The following PTPRS variants were observed in gnomAD, a reference collection of about 807,000 sequenced individuals.
The protein encoded by PTPRS is protein tyrosine phosphatase receptor type S, also known as receptor-type tyrosine-protein phosphatase S.
A neutral mutation model predicts 215.3 loss-of-function variants in PTPRS; 63 were observed. The ratio of observed to expected loss-of-function variants is 0.29; its 90% CI spans 0.24 to 0.36. PTPRS has a LOEUF of 0.36. Ranked by LOEUF, PTPRS falls within the 10% of genes least tolerant of loss-of-function variation. The pLI, the probability that PTPRS is intolerant of heterozygous loss-of-function variation, is 1.00. For missense variants in PTPRS, 2,258 were observed against 2,825.8 expected (o/e 0.80, Z 4.56); for synonymous variants, 1,404 against 1,191.4 (o/e 1.18, Z -3.68).
rs1440713936 is a variant in PTPRS, at chr19:5,220,101, C to G, written c.3603G>C (p.Gln1201His). Residue 1201 changes from glutamine (Q) to histidine (H), a missense_variant, in exon 22 of 38, where the codon CAG becomes CAC. By Grantham distance (24) the Gln-to-His change is conservative (BLOSUM62 0). Transcript: ENST00000262963. ...CAATATAGGGCCGGGGCACCTCCAG[C>G]TGACGCGAGTGCCGCAGGCTGCGCC... ...LQRRSLRHSR[Q>H]LEVPRPYIAA... The G allele has an allele frequency of 1.2e-6, 2 of 1,613,504 alleles. No individual in the cohort carries two copies. The highest frequency in any genetic ancestry group is 1.7e-6 in the Non-Finnish European group (2 of 1,179,990).
intron 9 of PTPRS, among the ~76,000 whole-genome samples, chr19:5,247,702 C>G (rs1305198495): frequency 6.6e-6 from 1 of 151,914 alleles, no homozygotes; most frequent in African/African-American, 2.4e-5. Context: ...CTCAGGGGGT[C>G]TGGTCTACGA....
At position 5,210,564 on chromosome 19, in the gene PTPRS, G is replaced by A. The variant is rs1477121983; in HGVS notation, c.5392C>T (p.Arg1798Cys). 11 of 1,614,070 alleles carry A rather than the reference G, an allele frequency of 6.8e-6. No individual in the cohort carries two copies. Among genetic ancestry groups the A allele is most frequent in the East Asian group, 2.2e-5 (1 of 44,890 alleles). Residue 1798 changes from arginine (R) to cysteine (C), a missense_variant, in exon 35 of 38, where the codon CGC becomes TGC. By Grantham distance (180) the Arg-to-Cys change is radical. Transcript: ENST00000262963. The surrounding 1 kb of genome is among the most constrained non-coding windows in gnomAD (Gnocchi z 4.5). ...ACAAAGTACTGGTAGCGGGCAGAGC[G>A]CTCGGCCGGCCAGTACTGGTGACAC... ...EKCHQYWPAE[R>C]SARYQYFVVD...
At chr19:5,271,668 G>T (rs2146539250) in intron 4 of PTPRS, among the ~76,000 whole-genome samples, 1 of 152,014 alleles carries the variant, frequency 6.6e-6, no homozygotes, top group East Asian at 1.9e-4. Flanking sequence ...AAAGTGCTGG[G>T]ATTACCGGCG....
At position 5,286,041 on chromosome 19, in the gene PTPRS, GCTT is replaced by G. The variant is rs745699539; in HGVS notation, c.91+6_91+8del. 11 of 1,611,198 alleles carry G rather than the reference GCTT, an allele frequency of 6.8e-6. No individual in the cohort carries two copies. The African/African-American group carries it at 1.1e-4, about 16-fold the overall frequency. Reference sequence around the variant, plus strand: ...GCAGACCCCTGCACATCCCGTGCCGGCTTCTTACCTTCTGCTGCACAGCCTCCA... The same window carrying G: ...GCAGACCCCTGCACATCCCGTGCCGGCTTACCTTCTGCTGCACAGCCTCCA... On this transcript the variant is annotated splice_donor_region_variant and intron_variant, in intron 2 of 37. Coordinates refer to ENST00000262963, the MANE Select transcript of PTPRS (RefSeq NM_002850.4).
At chr19:5,234,383 T>C (rs2043264100) in intron 13 of PTPRS, among the ~76,000 whole-genome samples, 1 of 152,152 alleles carries the variant, frequency 6.6e-6, no homozygotes. Flanking sequence ...TGGTGTCAGG[T>C]ACCAGGCTCA....
chr19:5,261,641 C>T (rs1040924710), intron 6 of PTPRS, among the ~76,000 whole-genome samples: 1 of 152,082 alleles, frequency 6.6e-6, no homozygotes, highest in Non-Finnish European at 1.5e-5. Flanking sequence ...TGGCCAGACA[C>T]GTGAAAAAGC....
chr19:5,216,719 C>G lies in PTPRS; in HGVS notation c.4096+1G>C, dbSNP rs372203627. ...AGCCAAAAACAGACACAAGAACTAACTTTCAAAGTGAAACCCCGGCTCCCT... is the reference window on the plus strand; with the variant it reads ...AGCCAAAAACAGACACAAGAACTAAGTTTCAAAGTGAAACCCCGGCTCCCT... On this transcript the variant is annotated splice_donor_variant, in intron 26 of 37. Coordinates refer to ENST00000262963, the MANE Select transcript of PTPRS (RefSeq NM_002850.4). LOFTEE classifies it high-confidence loss of function. 2 of 1,565,908 alleles carry G rather than the reference C, an allele frequency of 1.3e-6. No individual in the cohort carries two copies. Among genetic ancestry groups the G allele is most frequent in the African/African-American group, 2.7e-5 (2 of 73,650 alleles).
chr19:5,311,836 C>T lies in PTPRS; in HGVS notation c.-94-25602G>A, dbSNP rs1013827291. Among the ~76,000 whole-genome samples, 2 of 152,004 alleles carry T rather than the reference C, an allele frequency of 1.3e-5. 1 individual carries two copies. Among genetic ancestry groups the T allele is most frequent in the Admixed American group, 1.3e-4 (2 of 15,244 alleles). On this transcript the variant is annotated intron_variant, in intron 1 of 37. Transcript: ENST00000262963. ...TGGGTGGATCACGAGGTCAGGAGAT[C>T]GAGACCATCCTGGCTAACATGGTGA... is the stretch of plus-strand genomic sequence containing the variant.
Position 5,331,195 on chromosome 19 carries a change from A to G in PTPRS, c.-95+9469T>C, listed in dbSNP as rs531201919. Among the ~76,000 whole-genome samples the G allele has an allele frequency of 2.0e-5, 3 of 151,040 alleles. No homozygotes were observed. The East Asian group carries it at 5.8e-4, about 29-fold the overall frequency. On this transcript the variant is annotated intron_variant, in intron 1 of 37. Transcript: ENST00000262963. ...GCCCAGGCTGGAGTGGAGTGATGCA[A>G]TCATAGCTCACTGCAGCCTCAAACT...
chr19:5,245,904 G>T lies in PTPRS; in HGVS notation c.860C>A (p.Pro287His). 6.2e-7 allele frequency: 1 copy of T among 1,614,046 alleles called. No homozygotes were observed. Reference sequence around the variant, plus strand: ...CCGACCCACGGGCATGTCATCCTCGGGGGTCAGGTCCTCGGCCCCCTGCAT... The same window carrying T: ...CCGACCCACGGGCATGTCATCCTCGTGGGTCAGGTCCTCGGCCCCCTGCAT... ...KWMQGAEDLT[P>H]EDDMPVGRNV... Residue 287 changes from proline to histidine, a missense_variant, in exon 10 of 38, where the codon CCC (proline) becomes CAC (histidine). Transcript: ENST00000262963.
rs2040384695 is a variant in PTPRS, at chr19:5,206,610, G to A, written c.*164C>T. ...CGCTGGGGCGGCCGGGGCCGGTGGG[G>A]GGGCTCGAGGGGCTGCGTCGTCCTC... On this transcript the variant is annotated 3_prime_UTR_variant, in exon 38 of 38. Transcript: ENST00000262963. 5.1e-6 allele frequency: 3 copies of A among 583,682 alleles called. No homozygotes were observed. Among genetic ancestry groups the A allele is most frequent in the African/African-American group, 1.9e-5 (1 of 52,048 alleles). The allele number at this position is 583,682 out of a possible 1,614,324, so 36.2% of individuals were successfully genotyped here.
chr19:5,294,573 A>G lies in PTPRS; in HGVS notation c.-94-8339T>C, dbSNP rs1695132413. ...CGGCTGTGAGAGCCCAGCAGAAACA[A>G]TTCCGCTCCCACGGCTCCCGTCCAT... is the stretch of plus-strand genomic sequence containing the variant. On this transcript the variant is annotated intron_variant, in intron 1 of 37. Coordinates refer to ENST00000262963, the MANE Select transcript of PTPRS (RefSeq NM_002850.4). This position sits in a 1 kb window ranked among gnomAD's most constrained non-coding sequence, Gnocchi z 5.1. 6.6e-6 allele frequency: 1 copy of G among 152,066 alleles called. No homozygotes were observed. The highest frequency in any genetic ancestry group is 2.4e-5 in the African/African-American group (1 of 41,394). The allele number at this position is 152,066 out of a possible 1,614,324, so 9.4% of individuals were successfully genotyped here. A position where few individuals can be genotyped will look rare whatever the true frequency, so the allele number is the denominator to read the frequency against.
At chr19:5,212,718 C>G (rs138964601) in intron 30 of PTPRS, among the ~76,000 whole-genome samples, 6,380 of 152,194 alleles carry the variant, frequency 0.042, 463 homozygotes, top group African/African-American at 0.15. Context: ...TGGTGCATGC[C>G]TGTAATCTCA....
chr19:5,258,532 G>A (rs2045748099), intron 7 of PTPRS, among the ~76,000 whole-genome samples: 1 of 152,184 alleles, frequency 6.6e-6, no homozygotes, highest in Non-Finnish European at 1.5e-5. Flanking sequence ...TAGATCCAGG[G>A]ACCTGAGGGG....
chr19:5,308,701 G>A (rs978161457), intron 1 of PTPRS, among the ~76,000 whole-genome samples: 2 of 152,144 alleles, frequency 1.3e-5, no homozygotes, highest in African/African-American at 4.8e-5. Flanking sequence ...TTGGGGGTAG[G>A]GGAACTGTGG....
intron 4 of PTPRS, among the ~76,000 whole-genome samples, chr19:5,272,596 A>C (rs1353497529): frequency 2.2e-4 from 2 of 8,900 alleles, no homozygotes; most frequent in African/African-American, 9.4e-4. Flanking sequence ...AGACTGTCTC[A>C]AAAAAAAAAA....
chr19:5,258,713 G>A (rs535063431), intron 7 of PTPRS, among the ~76,000 whole-genome samples: 1 of 152,138 alleles, frequency 6.6e-6, no homozygotes, highest in Non-Finnish European at 1.5e-5. Flanking sequence ...TTCTTCAGGT[G>A]TGTTTGAAAT....
At position 5,284,416 on chromosome 19, in the gene PTPRS, TAAAA is replaced by T. The variant is rs775455834; in HGVS notation, c.91+1630_91+1633del. Among the ~76,000 whole-genome samples, 53 of 88,724 alleles carry T rather than the reference TAAAA, an allele frequency of 6.0e-4. 1 individual carries two copies. Among genetic ancestry groups the T allele is most frequent in the African/African-American group, 1.8e-3 (48 of 27,152 alleles). The allele number at this position is 88,724 out of a possible 152,430, so 58.2% of individuals were successfully genotyped here. On this transcript the variant is annotated intron_variant, in intron 2 of 37. Transcript: ENST00000262963. ...ATAAATAAATAAATAAATAAATAAA[TAAAA>T]ATTAGCCAGGTCAGGCACAGTGGCT...
intron 4 of PTPRS, among the ~76,000 whole-genome samples, chr19:5,269,467 G>A (rs2046717214): frequency 6.6e-6 from 1 of 152,074 alleles, no homozygotes; most frequent in Non-Finnish European, 1.5e-5. Flanking sequence ...AGTCCAGATG[G>A]TCCCCCACCA....
Sources: gnomAD v4.1 joint callset for allele counts (sites outside exome capture counted in the v4.1 genomes callset) on GRCh38, gnomAD v4.1.1 for gene constraint, Gnocchi (gnomAD v3.1) non-coding constraint, MANE v1.5 for transcripts, NCBI Gene and HGNC (gene_info 2026-07-23, HGNC 2026-07-21) for gene names.